Variants in GRIK2 observed in about 807,000 individuals in gnomAD.
The protein encoded by GRIK2 is glutamate ionotropic receptor kainate type subunit 2, also known as glutamate receptor ionotropic, kainate 2.
In GRIK2, 32 loss-of-function variants were observed where a neutral mutation model predicts 100.3. The ratio of observed to expected loss-of-function variants is 0.32; its 90% confidence interval spans 0.24 to 0.43. The LOEUF (loss-of-function observed/expected upper bound fraction) is 0.43. Ranked by LOEUF, GRIK2 falls within the 20% of genes least tolerant of loss-of-function variation. The pLI is 1.00. For synonymous variants in GRIK2, 417 were observed against 389.4 expected (o/e 1.07, Z -0.83); for missense variants, 843 against 1,114.9 (o/e 0.76, Z 3.47).
At chr6:101,618,401 TG>T (rs1407563501) in intron 2 of GRIK2, among the ~76,000 whole-genome samples, 2 of 151,878 alleles carry the variant, frequency 1.3e-5, no homozygotes, top group East Asian at 3.9e-4. Flanking sequence ...AATGCATTCT[TG>T]AATTACTATG....
intron 10 of GRIK2, among the ~76,000 whole-genome samples, chr6:101,844,310 G>T (rs1242064720): frequency 2.0e-5 from 3 of 152,122 alleles, no homozygotes; most frequent in Non-Finnish European, 4.4e-5. Flanking sequence ...AACTTTCAGA[G>T]TTGAGGAAAA....
intron 10 of GRIK2, among the ~76,000 whole-genome samples, chr6:101,822,637 C>A (rs1782029386): frequency 1.3e-5 from 2 of 152,112 alleles, no homozygotes; most frequent in Non-Finnish European, 1.5e-5. Flanking sequence ...GTGTCCCAGA[C>A]ATAGTTTGAA....
chr6:101,661,060 C>A (rs942948921), intron 4 of GRIK2, among the ~76,000 whole-genome samples: 2 of 152,158 alleles, frequency 1.3e-5, no homozygotes, highest in African/African-American at 4.8e-5. Flanking sequence ...TTTAAGTCTG[C>A]TGAATCTGTG....
At chr6:101,922,124 C>T (rs1252504465) in intron 12 of GRIK2, among the ~76,000 whole-genome samples, 1 of 18,476 alleles carries the variant, frequency 5.4e-5, no homozygotes, top group African/African-American at 2.5e-4. Flanking sequence ...TCCTTCCTTC[C>T]TTCCTTCCTT....
chr6:101,410,142 T>A (rs2128237756), intron 2 of GRIK2, among the ~76,000 whole-genome samples: 1 of 152,142 alleles, frequency 6.6e-6, no homozygotes, highest in East Asian at 1.9e-4. Flanking sequence ...AACAAAGAAA[T>A]CATGCCAAGT....
chr6:101,984,213 A>G (rs570177933), intron 14 of GRIK2, among the ~76,000 whole-genome samples: 1 of 151,868 alleles, frequency 6.6e-6, no homozygotes, highest in East Asian at 1.9e-4. Flanking sequence ...GGAAAAGACC[A>G]GCACTTTGAA....
At chr6:101,722,257 A>G (rs1774534713) in intron 7 of GRIK2, among the ~76,000 whole-genome samples, 1 of 152,034 alleles carries the variant, frequency 6.6e-6, no homozygotes, top group African/African-American at 2.4e-5. Context: ...GGAGTAGGCT[A>G]GAACTGATAT....
chr6:101,541,523 A>C (rs1192459962), intron 2 of GRIK2, among the ~76,000 whole-genome samples: 1 of 151,924 alleles, frequency 6.6e-6, no homozygotes, highest in Non-Finnish European at 1.5e-5. Context: ...TTTCCAATCT[A>C]TTTCTGTCTC....
chr6:101,457,827 C>G (rs1771091253), intron 2 of GRIK2, among the ~76,000 whole-genome samples: 1 of 152,110 alleles, frequency 6.6e-6, no homozygotes, highest in Non-Finnish European at 1.5e-5. Flanking sequence ...CTAGATGCCA[C>G]AGAATCCTGT....
chr6:101,692,067 A>AAAAAAAAAAAAAAAAAAG (rs1772146800), intron 7 of GRIK2, among the ~76,000 whole-genome samples: 2 of 145,342 alleles, frequency 1.4e-5, no homozygotes, highest in African/African-American at 5.2e-5. Context: ...AAAAAAAAAA[A>AAAAAAAAAAAAAAAAAAG]GCAATGGAAA....
intron 14 of GRIK2, among the ~76,000 whole-genome samples, chr6:101,956,785 A>ATAT (rs1562510059): frequency 1.4e-5 from 2 of 146,744 alleles, no homozygotes; most frequent in African/African-American, 5.0e-5. Flanking sequence ...TATATATATA[A>ATAT]AATTTTCTTA....
intron 14 of GRIK2, among the ~76,000 whole-genome samples, chr6:101,969,716 T>C (rs1339118371): frequency 6.6e-6 from 1 of 152,076 alleles, no homozygotes; most frequent in Non-Finnish European, 1.5e-5. Context: ...GTAGATGAAA[T>C]GTCAATGACT....
intron 9 of GRIK2, among the ~76,000 whole-genome samples, chr6:101,814,078 C>T (rs911992456): frequency 6.6e-6 from 1 of 151,878 alleles, no homozygotes. Flanking sequence ...GCTGAATATT[C>T]GTTTTTCAGC....
intron 14 of GRIK2, among the ~76,000 whole-genome samples, chr6:102,025,325 AAGAG>A (rs1429972285): frequency 6.6e-6 from 1 of 150,974 alleles, no homozygotes; most frequent in Non-Finnish European, 1.5e-5. Flanking sequence ...TTCTAGTAGG[AAGAG>A]AGAGAAATTG....
Position 101,781,902 on chromosome 6 carries a change from C to G in GRIK2, c.952-17746C>G, listed in dbSNP as rs980877734. Among the ~76,000 whole-genome samples the G allele has an allele frequency of 3.3e-5, 5 of 151,948 alleles. No homozygotes were observed. The South Asian group carries it at 1.0e-3, about 32-fold the overall frequency. On this transcript the variant is annotated intron_variant, in intron 7 of 16. Coordinates refer to ENST00000369134, the MANE Select transcript of GRIK2 (RefSeq NM_021956.5). ...ATTCTGGAGGTTGAAAGTCTGAGAT[C>G]AAAGTGCCAGTATGGGTTCTGATGA...
chr6:101,965,644 A>G (rs1371186454), intron 14 of GRIK2, among the ~76,000 whole-genome samples: 1 of 152,184 alleles, frequency 6.6e-6, no homozygotes, highest in Non-Finnish European at 1.5e-5. Flanking sequence ...ATGACACAAT[A>G]ATGTATTGAC....
At chr6:101,450,284 A>G (rs1049765880) in intron 2 of GRIK2, among the ~76,000 whole-genome samples, 3 of 151,716 alleles carry the variant, frequency 2.0e-5, no homozygotes, top group African/African-American at 7.2e-5. Flanking sequence ...GTGACTATAA[A>G]CAAGACAAGA....
chr6:101,570,368 T>C (rs1157408388), intron 2 of GRIK2, among the ~76,000 whole-genome samples: 1 of 152,040 alleles, frequency 6.6e-6, no homozygotes, highest in Non-Finnish European at 1.5e-5. Context: ...CAGCAGATAG[T>C]GAGAGCAGTG....
At chr6:101,952,634 G>A (rs1791670540) in intron 14 of GRIK2, among the ~76,000 whole-genome samples, 1 of 148,712 alleles carries the variant, frequency 6.7e-6, no homozygotes, top group African/African-American at 2.5e-5. Flanking sequence ...GCGGAGTCTC[G>A]CTCCATCTCT....
Sources: allele counts gnomAD v4.1 joint callset (sites outside exome capture counted in the v4.1 genomes callset), GRCh38; gene constraint gnomAD v4.1.1; transcripts MANE v1.5; gene names NCBI Gene and HGNC (gene_info 2026-07-23, HGNC 2026-07-21).